BAIAP2: variants seen among roughly 807,000 people sequenced by gnomAD.
BAIAP2 encodes the protein BAR/IMD domain containing adaptor protein 2.
Under a neutral mutation model 63.0 loss-of-function variants are expected in BAIAP2, and 18 were observed. The ratio of observed to expected loss-of-function variants is 0.29; its 90% CI spans 0.20 to 0.42. The LOEUF (loss-of-function observed/expected upper bound fraction) is 0.42, where lower values mean the gene tolerates loss of function less well. Among genes scored for constraint, BAIAP2 ranks in the 10% least tolerant of loss-of-function variants. BAIAP2 has a pLI of 1.00. For synonymous variants in BAIAP2, 386 were observed against 307.6 expected (o/e 1.25, Z -2.67); for missense variants, 610 against 734.3 (o/e 0.83, Z 1.96).
At chr17:81,039,304 G>A (rs6565529) in intron 1 of BAIAP2, among the ~76,000 whole-genome samples, 139,122 of 152,306 alleles carry the variant, frequency 0.91, 63,631 homozygotes, top group African/African-American at 0.96. Context: ...CTGTCCTGCC[G>A]GTTGTTGGCT....
At chr17:81,115,005 C>T (rs952092051) in intron 13 of BAIAP2, among the ~76,000 whole-genome samples, 3 of 152,248 alleles carry the variant, frequency 2.0e-5, no homozygotes, top group Non-Finnish European at 2.9e-5. Context: ...TGACATCCCC[C>T]ATCCTGTCCT....
At chr17:81,099,550 G>A (rs2058209329) in intron 6 of BAIAP2, among the ~76,000 whole-genome samples, 3 of 152,136 alleles carry the variant, frequency 2.0e-5, no homozygotes, top group African/African-American at 7.2e-5. Context: ...GAGCTGGGGC[G>A]CATCCACACC....
chr17:81,113,536 G>A (rs1310224237), intron 13 of BAIAP2, among the ~76,000 whole-genome samples: 3 of 152,192 alleles, frequency 2.0e-5, no homozygotes, highest in Admixed American at 6.5e-5. Flanking sequence ...CCAGGGTGGG[G>A]AAATAGGGAC....
chr17:81,085,247 C>A, intron 4 of BAIAP2: 1 of 498,894 alleles, frequency 2.0e-6, no homozygotes, highest in South Asian at 2.1e-5. Context: ...AGACCCCACA[C>A]AACCAGAGCA....
intron 1 of BAIAP2, among the ~76,000 whole-genome samples, chr17:81,043,723 G>T (rs2047405202): frequency 6.6e-6 from 1 of 152,198 alleles, no homozygotes; most frequent in South Asian, 2.1e-4. Context: ...GTCCCTGCCT[G>T]ACAGGGGATC....
At chr17:81,037,921 A>G (rs1203407367) in intron 1 of BAIAP2, among the ~76,000 whole-genome samples, 1 of 152,070 alleles carries the variant, frequency 6.6e-6, no homozygotes, top group East Asian at 1.9e-4. Context: ...GCAGACTTTG[A>G]CCTCTTTTCT....
intron 7 of BAIAP2, among the ~76,000 whole-genome samples, chr17:81,103,240 C>T (rs978061627): frequency 5.3e-5 from 8 of 152,258 alleles, no homozygotes; most frequent in African/African-American, 7.2e-5. Flanking sequence ...ATGGGCCCCG[C>T]GGGCGTTGAG....
chr17:81,084,910 C>T lies in BAIAP2; in HGVS notation c.279+17C>T, dbSNP rs369917301. The T allele has an allele frequency of 1.7e-5, 27 of 1,613,144 alleles. No homozygotes were observed. The highest frequency in any genetic ancestry group is 2.7e-5 in the African/African-American group (2 of 75,054). The stretch of plus-strand genomic sequence containing the variant: ...GAAGAAATGGTGAGTCCACCCCCAG[C>T]GTGGCCCTGCGAGGAGGGGCAGGTG... On this transcript the variant is annotated intron_variant, in intron 4 of 13. Transcript: ENST00000428708.
chr17:81,085,938 C>T (rs2055544700), intron 5 of BAIAP2, among the ~76,000 whole-genome samples: 2 of 152,272 alleles, frequency 1.3e-5, no homozygotes, highest in South Asian at 2.1e-4. Context: ...CTCTGACGCC[C>T]CACATGCCTG....
intron 13 of BAIAP2, among the ~76,000 whole-genome samples, chr17:81,115,025 C>G (rs2060358298): frequency 6.6e-6 from 1 of 152,248 alleles, no homozygotes; most frequent in Admixed American, 6.5e-5. Flanking sequence ...TGTGCTGTCC[C>G]CTCCGGGGGT....
chr17:81,095,167 C>T (rs945239900), intron 6 of BAIAP2, among the ~76,000 whole-genome samples: 11 of 152,204 alleles, frequency 7.2e-5, no homozygotes, highest in Non-Finnish European at 5.9e-5. Context: ...AGCACGCAGC[C>T]GGTGGCTCAG....
intron 6 of BAIAP2, among the ~76,000 whole-genome samples, chr17:81,092,778 G>C (rs1012877896): frequency 6.6e-6 from 1 of 152,170 alleles, no homozygotes; most frequent in Non-Finnish European, 1.5e-5. Flanking sequence ...GCTGACAGAC[G>C]TGCCCGTCTG....
chr17:81,090,589 A>G (rs2056549209), intron 6 of BAIAP2, among the ~76,000 whole-genome samples: 1 of 152,232 alleles, frequency 6.6e-6, no homozygotes, highest in Non-Finnish European at 1.5e-5. Flanking sequence ...TTGGGGTGGG[A>G]AACAGAGGGA....
chr17:81,062,109 A>C (rs149425769), intron 3 of BAIAP2, among the ~76,000 whole-genome samples: 15 of 151,966 alleles, frequency 9.9e-5, no homozygotes, highest in Non-Finnish European at 1.8e-4. Context: ...CACCCGCCTA[A>C]TTTTTGTATT....
Position 81,116,894 on chromosome 17 carries a change from G to A in BAIAP2, c.*1055G>A, listed in dbSNP as rs1300472768. The A allele has an allele frequency of 6.4e-6, 1 of 155,406 alleles. No homozygotes were observed. Among genetic ancestry groups the A allele is most frequent in the African/African-American group, 2.4e-5 (1 of 41,484 alleles). 9.6% of individuals were successfully genotyped at this position (155,406 alleles called of 1,614,324 possible). A position where few individuals can be genotyped will look rare whatever the true frequency, so the allele number is the denominator to read the frequency against. ...AGCTGTAGAGTTGGCGGGCCAGGAGGGCAGTTGAGAGCTGGCCAGCGGAGG... is the reference window on the plus strand; with the variant it reads ...AGCTGTAGAGTTGGCGGGCCAGGAGAGCAGTTGAGAGCTGGCCAGCGGAGG... On this transcript the variant is annotated 3_prime_UTR_variant, in exon 14 of 14. Coordinates refer to ENST00000428708, the MANE Select transcript of BAIAP2 (RefSeq NM_001144888.2).
intron 6 of BAIAP2, among the ~76,000 whole-genome samples, chr17:81,092,421 G>T (rs2056930922): frequency 6.6e-6 from 1 of 152,242 alleles, no homozygotes; most frequent in South Asian, 2.1e-4. Flanking sequence ...AGGTGGGGCT[G>T]CAGGGAGGGG....
rs118120008 is a variant in BAIAP2 at position 81,081,552 on chromosome 17, G to A, written c.218-3280G>A. On this transcript the variant is annotated intron_variant, in intron 3 of 13. Coordinates refer to ENST00000428708, the MANE Select transcript of BAIAP2 (RefSeq NM_001144888.2). ...CCCGTCTCCTCCCCTGCCCTGGGCA[G>A]CGCCTGCTCACGTCCAAGTGGCTTC... Among the ~76,000 whole-genome samples the A allele has an allele frequency of 1.0e-2, 1,516 of 152,288 alleles. 16 individuals carry two copies. Among genetic ancestry groups the A allele is most frequent in the Non-Finnish European group, 0.015 (1,021 of 68,034 alleles).
intron 3 of BAIAP2, among the ~76,000 whole-genome samples, chr17:81,077,971 C>T (rs1481265380): frequency 8.1e-4 from 105 of 130,286 alleles, no homozygotes; most frequent in South Asian, 1.5e-3. Context: ...GGGAGCCGGA[C>T]GCTGTGGGTG....
At chr17:81,091,225 T>A (rs1348174497) in intron 6 of BAIAP2, among the ~76,000 whole-genome samples, 1 of 93,502 alleles carries the variant, frequency 1.1e-5, no homozygotes, top group Admixed American at 1.4e-4. Flanking sequence ...GCCTCCTAGC[T>A]GTCCCTAACT....
Sources: allele counts gnomAD v4.1 joint callset (sites outside exome capture counted in the v4.1 genomes callset), GRCh38; gene constraint gnomAD v4.1.1; transcripts MANE v1.5; gene names NCBI Gene and HGNC (gene_info 2026-07-23, HGNC 2026-07-21).